The following TOX variants were observed in gnomAD, a reference collection of about 807,000 sequenced individuals.
TOX encodes thymocyte selection-associated high mobility group box protein TOX.
A neutral mutation model predicts 53.7 loss-of-function variants in TOX; 11 were observed. The ratio of observed to expected loss-of-function variants is 0.20; its 90% CI spans 0.13 to 0.34. The LOEUF (loss-of-function observed/expected upper bound fraction) is 0.34. Ranked by LOEUF, TOX falls within the 10% of genes least tolerant of loss-of-function variation. The probability of loss-of-function intolerance (pLI) is 1.00; values close to 1 mark genes in which losing one functional copy is unlikely to be tolerated. For synonymous variants in TOX, 225 were observed against 245.3 expected, an observed-to-expected ratio of 0.92 and a Z score of 0.77; for missense variants, 570 against 664.6, an observed-to-expected ratio of 0.86 and a Z score of 1.56.
chr8:59,103,347 T>G (rs1804840156), intron 1 of TOX, among the ~76,000 whole-genome samples: 1 of 152,148 alleles, frequency 6.6e-6, no homozygotes, highest in Admixed American at 6.5e-5. Context: ...TTTTTAATAA[T>G]AAGGACAAAA....
intron 3 of TOX, among the ~76,000 whole-genome samples, chr8:58,894,202 GT>G (rs1196019549): frequency 6.6e-6 from 1 of 152,216 alleles, no homozygotes; most frequent in Admixed American, 6.5e-5. Context: ...GCGACAATGG[GT>G]CAGATTGGGA....
chr8:58,997,961 T>A, intron 1 of TOX, among the ~76,000 whole-genome samples: 1 of 151,984 alleles, frequency 6.6e-6, no homozygotes, highest in Admixed American at 6.5e-5. Flanking sequence ...CCTGGCTAAT[T>A]TTTTGTATTT....
intron 1 of TOX, among the ~76,000 whole-genome samples, chr8:59,114,747 A>G (rs1270694801): frequency 2.6e-5 from 4 of 152,000 alleles, no homozygotes; most frequent in African/African-American, 9.7e-5. Context: ...TTTTTCTTAC[A>G]TTTACTGTTC....
chr8:59,024,107 TTCTC>T (rs1814191993), intron 1 of TOX, among the ~76,000 whole-genome samples: 2 of 152,322 alleles, frequency 1.3e-5, no homozygotes, highest in East Asian at 1.9e-4. Context: ...ATCTGTGTCT[TTCTC>T]TCTCTCGCAC....
chr8:58,812,008 G>GTCTCTCTTTCTCTCTC (rs1563359334), intron 7 of TOX, among the ~76,000 whole-genome samples: 2 of 152,106 alleles, frequency 1.3e-5, no homozygotes. Context: ...TTCTCTCTCT[G>GTCTCTCTTTCTCTCTC]TCTCTCTTTC....
chr8:59,002,120 C>T (rs1813699655), intron 1 of TOX, among the ~76,000 whole-genome samples: 1 of 150,972 alleles, frequency 6.6e-6, no homozygotes, highest in Non-Finnish European at 1.5e-5. Flanking sequence ...GGATTACAGG[C>T]GCCTGCCACC....
chr8:59,058,204 C>T (rs1318581028), intron 1 of TOX, among the ~76,000 whole-genome samples: 2 of 152,176 alleles, frequency 1.3e-5, no homozygotes, highest in Non-Finnish European at 2.9e-5. Context: ...AGGAGCTGCT[C>T]AAGGCAGCAC....
intron 2 of TOX, among the ~76,000 whole-genome samples, chr8:58,939,919 G>A (rs556984089): frequency 6.6e-6 from 1 of 152,310 alleles, no homozygotes; most frequent in African/African-American, 2.4e-5. Flanking sequence ...CATGTTTCAC[G>A]GGGCTCCCTA....
At chr8:58,891,440 GC>G (rs1196459123) in intron 3 of TOX, among the ~76,000 whole-genome samples, 3 of 152,124 alleles carry the variant, frequency 2.0e-5, no homozygotes, top group Non-Finnish European at 4.4e-5. Context: ...TATGTGTTCA[GC>G]CCTATGTGAT....
chr8:58,807,966 G>C (rs1810008841), intron 8 of TOX, 152 bp downstream of exon 8: 4 of 1,242,008 alleles, frequency 3.2e-6, no homozygotes, highest in African/African-American at 1.5e-5. Context: ...GGAAGAGCTA[G>C]AAGACTGCTT....
chr8:58,888,016 T>TA, intron 3 of TOX, among the ~76,000 whole-genome samples: 1 of 152,070 alleles, frequency 6.6e-6, no homozygotes, highest in African/African-American at 2.4e-5. Context: ...GTGTAGCCTA[T>TA]TGCTCCTTGT....
intron 1 of TOX, among the ~76,000 whole-genome samples, chr8:59,002,727 A>G (rs1455833576): frequency 2.0e-5 from 3 of 152,174 alleles, no homozygotes; most frequent in Non-Finnish European, 4.4e-5. Context: ...TTTTTCTTAT[A>G]TTTTATAAGT....
chr8:58,883,054 T>C (rs1811409444), intron 3 of TOX, among the ~76,000 whole-genome samples: 1 of 152,248 alleles, frequency 6.6e-6, no homozygotes, highest in South Asian at 2.1e-4. Flanking sequence ...ACTTTTGTTT[T>C]TTTAATTCTA....
At chr8:58,879,603 T>C (rs1328021497) in intron 3 of TOX, among the ~76,000 whole-genome samples, 3 of 152,218 alleles carry the variant, frequency 2.0e-5, no homozygotes, top group Non-Finnish European at 2.9e-5. Context: ...CCATGTAATC[T>C]AGCCATCTAA....
At chr8:58,924,731 C>T (rs1166987943) in intron 3 of TOX, among the ~76,000 whole-genome samples, 2 of 152,148 alleles carry the variant, frequency 1.3e-5, no homozygotes, top group Admixed American at 1.3e-4. Flanking sequence ...ATTTGTCTCC[C>T]GATAGGTGTT....
intron 4 of TOX, among the ~76,000 whole-genome samples, chr8:58,847,954 T>A (rs1810743725): frequency 6.6e-6 from 1 of 152,074 alleles, no homozygotes; most frequent in South Asian, 2.1e-4. Flanking sequence ...TGAAAGAACA[T>A]TTTAAAGGCA....
At chr8:59,046,419 T>G (rs767576774) in intron 1 of TOX, among the ~76,000 whole-genome samples, 1 of 152,212 alleles carries the variant, frequency 6.6e-6, no homozygotes, top group Non-Finnish European at 1.5e-5. Context: ...CTTTCAGTCC[T>G]GAGGATCTTA....
At chr8:58,983,341 G>T (rs184812759) in intron 1 of TOX, among the ~76,000 whole-genome samples, 1 of 152,300 alleles carries the variant, frequency 6.6e-6, no homozygotes, top group East Asian at 1.9e-4. Context: ...GTCAGCAAAG[G>T]GGCCTGAGAA....
chr8:59,016,113 C>T (rs1814004716), intron 1 of TOX, among the ~76,000 whole-genome samples: 1 of 152,034 alleles, frequency 6.6e-6, no homozygotes, highest in Admixed American at 6.6e-5. Context: ...AATTGGTCTT[C>T]TCTTCTTAAA....
Sources: allele counts gnomAD v4.1 joint callset (sites outside exome capture counted in the v4.1 genomes callset), GRCh38; gene constraint gnomAD v4.1.1; transcripts MANE v1.5; gene names NCBI Gene and HGNC (gene_info 2026-07-23, HGNC 2026-07-21).